The following ACTR3B variants were observed in gnomAD, a reference collection of about 807,000 sequenced individuals.
ACTR3B encodes actin-related protein 3B.
ACTR3B carries 8 observed loss-of-function variants against 59.0 expected under a neutral mutation model. That is an observed-to-expected ratio of 0.14 (90% CI 0.08 to 0.24). ACTR3B has a LOEUF of 0.24. Among genes scored for constraint, ACTR3B ranks in the 10% least tolerant of loss-of-function variants. The pLI is 1.00. For missense variants in ACTR3B, 245 were observed against 552.3 expected, an observed-to-expected ratio of 0.44 and a Z score of 5.58; for synonymous variants, 148 against 197.9, an observed-to-expected ratio of 0.75 and a Z score of 2.12.
chr7:152,789,543 TG>T, intron 2 of ACTR3B, among the ~76,000 whole-genome samples: 1 of 149,672 alleles, frequency 6.7e-6, no homozygotes, highest in Non-Finnish European at 1.5e-5. Flanking sequence ...TACTGAGGTT[TG>T]TAAGATTTTT....
chr7:152,792,015 C>T (rs1322780452), intron 2 of ACTR3B, among the ~76,000 whole-genome samples: 2 of 152,122 alleles, frequency 1.3e-5, no homozygotes, highest in Non-Finnish European at 2.9e-5. Context: ...CCTCAGCCTC[C>T]TGAGTAGCTG....
intron 9 of ACTR3B, among the ~76,000 whole-genome samples, chr7:152,842,422 T>A (rs1797938345): frequency 6.6e-6 from 1 of 152,330 alleles, no homozygotes; most frequent in East Asian, 1.9e-4. Context: ...CTTCTCAGAA[T>A]GGTGCGCAGT....
chr7:152,792,436 T>A (rs1352087395), intron 2 of ACTR3B, among the ~76,000 whole-genome samples: 1 of 152,028 alleles, frequency 6.6e-6, no homozygotes, highest in Non-Finnish European at 1.5e-5. Context: ...CTTTTTAATA[T>A]TTATTTATTT....
chr7:152,782,491 G>C (rs1218985891), intron 1 of ACTR3B, among the ~76,000 whole-genome samples: 1 of 151,872 alleles, frequency 6.6e-6, no homozygotes, highest in Non-Finnish European at 1.5e-5. Context: ...ATTTGTTTTA[G>C]TTAAGACTTT....
intron 8 of ACTR3B, 131 bp downstream of exon 8, chr7:152,823,646 T>C (rs3864524): frequency 0.62 from 683,609 of 1,098,700 alleles, 209,390 homozygotes; most frequent in East Asian, 0.76. Flanking sequence ...CTGCATCCCC[T>C]GTGCAGTTTG....
intron 2 of ACTR3B, among the ~76,000 whole-genome samples, chr7:152,785,418 A>G (rs1411642537): frequency 3.5e-4 from 1 of 2,878 alleles, no homozygotes; most frequent in African/African-American, 1.0e-3. Flanking sequence ...AGGGAGGGAG[A>G]GGGAGGGAGA....
chr7:152,812,031 T>TTTTTTA (rs1238818962), intron 4 of ACTR3B: 1 of 51,002 alleles, frequency 2.0e-5, no homozygotes, highest in African/African-American at 5.3e-5. Context: ...TTTTTTTTTT[T>TTTTTTA]TTTTTTTTTT....
At chr7:152,846,644 C>A (rs1426377919) in intron 9 of ACTR3B, among the ~76,000 whole-genome samples, 1 of 147,664 alleles carries the variant, frequency 6.8e-6, no homozygotes, top group Non-Finnish European at 1.5e-5. Context: ...GCCCCAGCGC[C>A]CGGGCTGCAG....
chr7:152,779,120 A>G (rs953917681), intron 1 of ACTR3B, among the ~76,000 whole-genome samples: 2 of 152,012 alleles, frequency 1.3e-5, no homozygotes, highest in African/African-American at 4.8e-5. Flanking sequence ...TTATATAAAA[A>G]TGCTAAAGGT....
At chr7:152,813,073 GTC>G (rs928271493) in intron 4 of ACTR3B, 1 of 88,560 alleles carries the variant, frequency 1.1e-5, no homozygotes, top group Non-Finnish European at 2.3e-5. Flanking sequence ...GATTTCTGGT[GTC>G]TCTTCCTTTT....
intron 3 of ACTR3B, among the ~76,000 whole-genome samples, 195 bp from the exon 4 acceptor site, chr7:152,801,426 G>A (rs1156880731): frequency 2.6e-5 from 4 of 152,148 alleles, no homozygotes; most frequent in Non-Finnish European, 5.9e-5. Flanking sequence ...GGAAATGAGT[G>A]GAGGAGAATA....
Position 152,780,539 on chromosome 7 carries a change from G to A in ACTR3B, c.45-2648G>A, listed in dbSNP as rs1440880899. On this transcript the variant is annotated intron_variant, in intron 1 of 11. Transcript: ENST00000256001. ...ACATTCCAGCAGCTGTTGCTGAGTC[G>A]TATCATCAGTGTTTAGTTGAATTTT... Among the ~76,000 whole-genome samples the A allele has an allele frequency of 1.2e-3, 183 of 150,970 alleles. 2 individuals are homozygous for A. Among genetic ancestry groups the A allele is most frequent in the African/African-American group, 3.5e-3 (142 of 40,698 alleles).
chr7:152,827,903 T>C (rs1041381751), intron 9 of ACTR3B, among the ~76,000 whole-genome samples: 1 of 150,914 alleles, frequency 6.6e-6, no homozygotes, highest in African/African-American at 2.4e-5. Flanking sequence ...AGTGTTTTTT[T>C]TCCCCATGGT....
intron 9 of ACTR3B, among the ~76,000 whole-genome samples, chr7:152,838,612 C>T (rs1393315376): frequency 6.6e-6 from 1 of 151,784 alleles, no homozygotes; most frequent in Admixed American, 6.6e-5. Context: ...AGCAAACCAC[C>T]GTGGCACGTG....
chr7:152,849,820 A>G (rs573641008), intron 9 of ACTR3B, among the ~76,000 whole-genome samples: 7 of 152,266 alleles, frequency 4.6e-5, no homozygotes, highest in African/African-American at 1.7e-4. Flanking sequence ...AAATTTCTCT[A>G]TACAGACACT....
intron 4 of ACTR3B, chr7:152,810,720 C>T (rs1290141828): frequency 1.3e-5 from 2 of 151,828 alleles, no homozygotes; most frequent in Non-Finnish European, 2.9e-5. Context: ...TGGCCAACAT[C>T]GTGAAACCCT....
chr7:152,847,499 A>G (rs992034157), intron 9 of ACTR3B, among the ~76,000 whole-genome samples: 1 of 151,958 alleles, frequency 6.6e-6, no homozygotes, highest in African/African-American at 2.4e-5. Flanking sequence ...CAGCTCTCCT[A>G]TTTGTCTGTC....
At chr7:152,778,682 A>G (rs2098142279) in intron 1 of ACTR3B, among the ~76,000 whole-genome samples, 1 of 152,030 alleles carries the variant, frequency 6.6e-6, no homozygotes, top group East Asian at 1.9e-4. Context: ...GCTCACACCT[A>G]TAATCCTAGC....
chr7:152,795,105 G>C (rs1403229630), intron 2 of ACTR3B, among the ~76,000 whole-genome samples: 1 of 150,258 alleles, frequency 6.7e-6, no homozygotes, highest in African/African-American at 2.5e-5. Context: ...CATGATCTCA[G>C]CTCACTGCAA....
Sources: gnomAD v4.1 joint callset for allele counts (sites outside exome capture counted in the v4.1 genomes callset) on GRCh38, gnomAD v4.1.1 for gene constraint, MANE v1.5 for transcripts, NCBI Gene and HGNC (gene_info 2026-07-23, HGNC 2026-07-21) for gene names.